Variants in TRIP12 observed in about 807,000 individuals in gnomAD.
The protein encoded by TRIP12 is E3 ubiquitin-protein ligase TRIP12.
TRIP12 carries 25 observed loss-of-function variants against 244.2 expected under a neutral mutation model. That is an observed-to-expected ratio of 0.10 (90% CI 0.07 to 0.14). The LOEUF is 0.14. Among genes scored for constraint, TRIP12 ranks in the 10% least tolerant of loss-of-function variants. The pLI, the probability that TRIP12 is intolerant of heterozygous loss-of-function variation, is 1.00. For missense variants in TRIP12, 1,677 were observed against 2,486.4 expected (o/e 0.67, Z 6.92); for synonymous variants, 905 against 873.1 (o/e 1.04, Z -0.64).
chr2:229,798,850 AAAC>A (rs2043473345), intron 23 of TRIP12, 22 bp downstream of exon 23: 1 of 1,609,776 alleles, frequency 6.2e-7, no homozygotes, highest in African/African-American at 1.3e-5. Context: ...GGAATAGAAG[AAAC>A]ATAAAACTCC....
At position 229,778,372 on chromosome 2, in the gene TRIP12, G is replaced by T; in HGVS notation, c.5364+61C>A. 3 of 1,590,510 alleles carry T rather than the reference G, an allele frequency of 1.9e-6. No individual in the cohort carries two copies. The highest frequency in any genetic ancestry group is 2.6e-6 in the Non-Finnish European group (3 of 1,161,786). Reference sequence around the variant, plus strand: ...CTATAGCAGTAAACTACAGGGGACTGAGGTACTTGCACAGAACATTCTACA... The same window carrying T: ...CTATAGCAGTAAACTACAGGGGACTTAGGTACTTGCACAGAACATTCTACA... On this transcript the variant is annotated intron_variant, in intron 36 of 41. Transcript: ENST00000675903. The surrounding 1 kb of genome is among the most constrained non-coding windows in gnomAD (Gnocchi z 4.1).
intron 1 of TRIP12, among the ~76,000 whole-genome samples, chr2:229,886,486 G>A (rs558213532): frequency 8.7e-5 from 13 of 149,736 alleles, no homozygotes; most frequent in Admixed American, 8.0e-4. Context: ...TTTTTGAGAC[G>A]GGATCTCACT....
intron 2 of TRIP12, among the ~76,000 whole-genome samples, chr2:229,877,703 C>T (rs16826424): frequency 0.096 from 14,670 of 152,182 alleles, 925 homozygotes; most frequent in East Asian, 0.28. Context: ...ATGCATAAAA[C>T]CGCAGTTGTT....
At chr2:229,834,387 T>C (rs760139779) in intron 6 of TRIP12, among the ~76,000 whole-genome samples, 7 of 152,240 alleles carry the variant, frequency 4.6e-5, no homozygotes, top group Non-Finnish European at 8.8e-5. Context: ...GTTCATTCCT[T>C]ACTTTAGTAC....
At chr2:229,833,181 A>G (rs890256534) in intron 6 of TRIP12, among the ~76,000 whole-genome samples, 1 of 152,238 alleles carries the variant, frequency 6.6e-6, no homozygotes, top group African/African-American at 2.4e-5. Flanking sequence ...ACTGCCACAA[A>G]GACATCAATT....
chr2:229,884,347 C>T (rs1469086859), intron 1 of TRIP12, among the ~76,000 whole-genome samples: 1 of 150,786 alleles, frequency 6.6e-6, no homozygotes, highest in Non-Finnish European at 1.5e-5. Flanking sequence ...AGCGATTCTC[C>T]TGCCTTGGCC....
chr2:229,825,463 G>A (rs900647368), intron 8 of TRIP12, among the ~76,000 whole-genome samples: 4 of 152,204 alleles, frequency 2.6e-5, no homozygotes, highest in Non-Finnish European at 5.9e-5. Context: ...TCCAAGACTG[G>A]ATAATTTATA....
chr2:229,842,980 C>A (rs1458147065), intron 4 of TRIP12, among the ~76,000 whole-genome samples: 1 of 152,074 alleles, frequency 6.6e-6, no homozygotes. Flanking sequence ...ACCATTAAGA[C>A]ACAAACATTT....
At chr2:229,892,801 G>A (rs2067700376) in intron 1 of TRIP12, among the ~76,000 whole-genome samples, 1 of 152,132 alleles carries the variant, frequency 6.6e-6, no homozygotes, top group South Asian at 2.1e-4. Flanking sequence ...AGGAGATGGA[G>A]ACTGCAGTGG....
chr2:229,795,109 G>A, intron 26 of TRIP12, 70 bp downstream of exon 26: 2 of 1,539,024 alleles, frequency 1.3e-6, no homozygotes, highest in South Asian at 1.3e-5. Context: ...CAGACCTCTT[G>A]CCATCTTACT....
chr2:229,778,299 C>T lies in TRIP12; in HGVS notation c.5364+134G>A. On this transcript the variant is annotated intron_variant, in intron 36 of 41. Coordinates refer to ENST00000675903, the MANE Select transcript of TRIP12 (RefSeq NM_001348323.3). The surrounding 1 kb of genome is among the most constrained non-coding windows in gnomAD (Gnocchi z 4.1). ...CAGAACCGGCATTTTTAACAAAATC[C>T]CCAAGTAATTCATATGTGTATTGAA... The T allele has an allele frequency of 1.7e-6, 2 of 1,171,416 alleles. No homozygotes were observed. The highest frequency in any genetic ancestry group is 1.6e-5 in the South Asian group (1 of 62,244). The allele number at this position is 1,171,416 out of a possible 1,614,324, so 72.6% of individuals were successfully genotyped here.
At chr2:229,795,369 T>C in intron 25 of TRIP12, 39 bp from the exon 26 acceptor site, 4 of 1,569,382 alleles carry the variant, frequency 2.5e-6, no homozygotes, top group Non-Finnish European at 1.7e-6. Flanking sequence ...AACAAAGCCT[T>C]TTCAAAACAA....
In TRIP12 at chr2:229,863,206, G is replaced by C. The variant is rs1300099647; in HGVS notation, c.99-2675C>G. Among the ~76,000 whole-genome samples, 12 of 149,140 alleles carry C rather than the reference G, an allele frequency of 8.0e-5. No individual in the cohort carries two copies. In the South Asian group the frequency reaches 2.3e-3, roughly 29 times the overall value. On this transcript the variant is annotated intron_variant, in intron 2 of 41. Coordinates refer to ENST00000675903, the MANE Select transcript of TRIP12 (RefSeq NM_001348323.3). The stretch of plus-strand genomic sequence containing the variant: ...ATCGTGTCACTGTACTCCAGCCTGG[G>C]TGACAGGGCGAGACTCCATCTCGAA...
chr2:229,774,832 A>C (rs2035715642), intron 37 of TRIP12, among the ~76,000 whole-genome samples: 1 of 151,232 alleles, frequency 6.6e-6, no homozygotes, highest in South Asian at 2.1e-4. Flanking sequence ...TGTGATCTAA[A>C]AAAAAAAAAA....
intron 1 of TRIP12, among the ~76,000 whole-genome samples, chr2:229,907,784 C>CGG (rs78980981): frequency 1.2e-4 from 18 of 152,136 alleles, no homozygotes; most frequent in African/African-American, 4.3e-4. Flanking sequence ...GTCTAAACAA[C>CGG]AGAGAGACCT....
intron 34 of TRIP12, among the ~76,000 whole-genome samples, chr2:229,783,682 A>C (rs1206575763): frequency 1.3e-5 from 2 of 152,184 alleles, no homozygotes; most frequent in African/African-American, 4.8e-5. Flanking sequence ...TAAACATGTC[A>C]ATTCTCTCCA....
chr2:229,827,957 TA>T (rs2052198291), intron 8 of TRIP12, among the ~76,000 whole-genome samples: 1 of 152,206 alleles, frequency 6.6e-6, no homozygotes, highest in Non-Finnish European at 1.5e-5. Context: ...CTCTAAATGA[TA>T]AAAGTATGGT....
chr2:229,844,734 TC>T (rs1473131709), intron 4 of TRIP12, among the ~76,000 whole-genome samples: 7 of 88,094 alleles, frequency 7.9e-5, no homozygotes, highest in Non-Finnish European at 2.3e-4. Flanking sequence ...GGATTTAAGA[TC>T]TTCATTCCAT....
intron 8 of TRIP12, among the ~76,000 whole-genome samples, chr2:229,826,210 A>G (rs2051536920): frequency 6.6e-6 from 1 of 152,192 alleles, no homozygotes; most frequent in East Asian, 1.9e-4. Flanking sequence ...GTTCTAAAAT[A>G]CTACCATTTT....
Sources: allele counts gnomAD v4.1 joint callset (sites outside exome capture counted in the v4.1 genomes callset), GRCh38; gene constraint gnomAD v4.1.1; non-coding constraint Gnocchi (gnomAD v3.1); transcripts MANE v1.5; gene names NCBI Gene and HGNC (gene_info 2026-07-23, HGNC 2026-07-21).